DYNC1H1: variants seen among roughly 807,000 people sequenced by gnomAD.
DYNC1H1 encodes the protein cytoplasmic dynein 1 heavy chain 1.
A neutral mutation model predicts 527.1 loss-of-function variants in DYNC1H1; 51 were observed. The observed-to-expected ratio is 0.10, with a 90% CI of 0.08 to 0.12. DYNC1H1 has a LOEUF of 0.12. Among genes scored for constraint, DYNC1H1 ranks in the 10% least tolerant of loss-of-function variants. The probability of loss-of-function intolerance (pLI) is 1.00; values close to 1 mark genes in which losing one functional copy is unlikely to be tolerated. For synonymous variants in DYNC1H1, 2,189 were observed against 2,278.8 expected, an observed-to-expected ratio of 0.96 and a Z score of 1.12; for missense variants, 2,771 against 5,971.8, an observed-to-expected ratio of 0.46 and a Z score of 17.66.
At chr14:102,043,088 C>CA (rs2048672158) in intron 69 of DYNC1H1, 1 of 358,528 alleles carries the variant, frequency 2.8e-6, no homozygotes, top group Non-Finnish European at 5.4e-6. Context: ...TCAAGACCAG[C>CA]ATGGCCAACA....
chr14:101,972,337 C>G lies in DYNC1H1; in HGVS notation c.257-3375C>G, dbSNP rs1269930092. Among the ~76,000 whole-genome samples the G allele has an allele frequency of 3.9e-5, 6 of 152,162 alleles. No homozygotes were observed. In the Middle Eastern group the frequency reaches 0.017, roughly 431 times the overall value. ...CAGACATACTCAACTGTGTTTGATC[C>G]GTGTCTTTATAGGGAATATGCACAG... On this transcript the variant is annotated intron_variant, in intron 1 of 77. Transcript: ENST00000360184.
intron 29 of DYNC1H1, among the ~76,000 whole-genome samples, chr14:102,008,586 A>G (rs2048223935): frequency 6.6e-6 from 1 of 152,100 alleles, no homozygotes; most frequent in East Asian, 1.9e-4. Context: ...TCAGGAGTTC[A>G]AGACCAGTCT....
chr14:102,038,948 G>A lies in DYNC1H1; in HGVS notation c.11207-53G>A, dbSNP rs529132268. Reference sequence around the variant, plus strand: ...CCACGTTTGTGGCAAACACTTCTGAGAGCATACCTTTTGAAGGATTATTGC... The same window carrying A: ...CCACGTTTGTGGCAAACACTTCTGAAAGCATACCTTTTGAAGGATTATTGC... On this transcript the variant is annotated intron_variant, in intron 59 of 77. Transcript: ENST00000360184. This position sits in a 1 kb window ranked among gnomAD's most constrained non-coding sequence, Gnocchi z 7.2. 126 of 1,613,898 alleles carry A rather than the reference G, an allele frequency of 7.8e-5. No homozygotes were observed. Among genetic ancestry groups the A allele is most frequent in the Middle Eastern group, 1.6e-4 (1 of 6,062 alleles).
Position 101,979,968 on chromosome 14 carries a change from T to C in DYNC1H1, c.768T>C (p.Ile256=), listed in dbSNP as rs2047844431. Reference sequence around the variant, plus strand: ...GAGTTAACCGCTGGATCCGAGAAATTCAAAAAGTAAGAGCACAGGATTGAA... The same window carrying C: ...GAGTTAACCGCTGGATCCGAGAAATCCAAAAAGTAAGAGCACAGGATTGAA... ...QSGVNRWIRE[I]QKVTKLDRDP... is the part of the protein sequence containing the mutation. The change falls in exon 4 of 78, where the codon ATT becomes ATC. Residue 256 remains isoleucine, a synonymous_variant. Transcript: ENST00000360184. This position sits in a 1 kb window ranked among gnomAD's most constrained non-coding sequence, Gnocchi z 4.6. The C allele has an allele frequency of 2.5e-6, 4 of 1,614,206 alleles. No individual in the cohort carries two copies. The highest frequency in any genetic ancestry group is 3.4e-6 in the Non-Finnish European group (4 of 1,180,042).
intron 1 of DYNC1H1, among the ~76,000 whole-genome samples, chr14:101,974,436 C>T (rs1182977267): frequency 1.3e-5 from 2 of 152,112 alleles, no homozygotes; most frequent in Admixed American, 1.3e-4. Context: ...AAAAGGTGAA[C>T]TATGTATAAA....
Position 101,995,184 on chromosome 14 carries a change from C to G in DYNC1H1, c.3448C>G (p.Arg1150Gly), listed in dbSNP as rs747570801. The G allele has an allele frequency of 6.2e-7, 1 of 1,614,122 alleles. No homozygotes were observed. The highest frequency in any genetic ancestry group is 8.5e-7 in the Non-Finnish European group (1 of 1,180,052). Residue 1150 changes from arginine to glycine, a missense_variant, in exon 15 of 78, where the codon CGC (arginine) becomes GGC (glycine). Physicochemically the swap from Arg to Gly is moderately radical, Grantham distance 125 (BLOSUM62 -2). Around this residue, in one of 32 missense-constraint regions of DYNC1H1, gnomAD observed 223 missense variants for 462.5 expected, o/e 0.48. Coordinates refer to ENST00000360184, the MANE Select transcript of DYNC1H1 (RefSeq NM_001376.5). Reference sequence around the variant, plus strand: ...ATACTCCCCTCTCTCTGAACAGTCCCGCCAAGAGTTGGAGCAGCACTCAGT... The same window carrying G: ...ATACTCCCCTCTCTCTGAACAGTCCGGCCAAGAGTTGGAGCAGCACTCAGT... The part of the protein sequence containing the change: ...TEFHSQISKS[R>G]QELEQHSVDT...
At position 102,011,128 on chromosome 14, in the gene DYNC1H1, T is replaced by C; in HGVS notation, c.6618+176T>C. The C allele has an allele frequency of 2.7e-6, 2 of 729,320 alleles. No individual in the cohort carries two copies. Among genetic ancestry groups the C allele is most frequent in the Non-Finnish European group, 4.8e-6 (2 of 419,986 alleles). The allele number at this position is 729,320 out of a possible 1,614,324, so 45.2% of individuals were successfully genotyped here. On this transcript the variant is annotated intron_variant, in intron 32 of 77. Transcript: ENST00000360184. This position sits in a 1 kb window ranked among gnomAD's most constrained non-coding sequence, Gnocchi z 5.3. ...TGAATTTTTGTTGTTGTTGTTTAAA[T>C]GAAGAGGAAACAATACTTAACCTGA... is the stretch of plus-strand genomic sequence containing the variant.
rs1028017165 is a variant in DYNC1H1, at chr14:101,979,618, A to G, written c.519-101A>G. On this transcript the variant is annotated intron_variant, in intron 3 of 77. Transcript: ENST00000360184. The surrounding 1 kb of genome is among the most constrained non-coding windows in gnomAD (Gnocchi z 4.6). ...CGAGGGGATATAAACCCTGTGTATT[A>G]ATAAATATGTGTGTCATTACTATTT... The G allele has an allele frequency of 1.9e-6, 3 of 1,606,810 alleles. No individual in the cohort carries two copies.
rs779982598 is a variant in DYNC1H1, at chr14:102,048,623, G to A, written c.13326G>A (p.Lys4442=). 1.9e-6 allele frequency: 3 copies of A among 1,614,076 alleles called. No individual in the cohort carries two copies. Among genetic ancestry groups the A allele is most frequent in the South Asian group, 2.2e-5 (2 of 91,086 alleles). The change falls in exon 74 of 78, where the codon AAG becomes AAA. Residue 4442 remains lysine, a synonymous_variant. Coordinates refer to ENST00000360184, the MANE Select transcript of DYNC1H1 (RefSeq NM_001376.5). ...ADVVQVCEGK[K]KQTNYLRTLI... is the part of the protein sequence containing the mutation. ...TCGTCCAGGTGTGCGAAGGAAAGAA[G>A]AAGCAGACCAACTACTTGCGCACGC...
intron 73 of DYNC1H1, 51 bp downstream of exon 73, chr14:102,048,079 G>A: frequency 1.3e-6 from 2 of 1,565,850 alleles, no homozygotes; most frequent in East Asian, 2.4e-5. Flanking sequence ...CAGGTGCTGG[G>A]TATGGTCATG....
In DYNC1H1 at chr14:102,023,273, G is replaced by A. The variant is rs539372666; in HGVS notation, c.8637+393G>A. ...TACTTCAGAAAACAAAATATCAGCC[G>A]GGCGCGGTGGCTCATGCCTGTAATC... On this transcript the variant is annotated intron_variant, in intron 43 of 77. Transcript: ENST00000360184. The A allele has an allele frequency of 2.0e-5, 7 of 350,356 alleles. No homozygotes were observed. The East Asian group carries it at 2.3e-4, about 11-fold the overall frequency. The allele number at this position is 350,356 out of a possible 1,614,324, so 21.7% of individuals were successfully genotyped here.
At chr14:102,032,169 T>G in intron 51 of DYNC1H1, 103 bp from the exon 52 acceptor site, 1 of 1,397,056 alleles carries the variant, frequency 7.2e-7, no homozygotes, top group South Asian at 1.2e-5. Context: ...CTGTCCTTTC[T>G]CTCATTGGAG....
rs1349922267 is a variant in DYNC1H1 at position 101,988,769 on chromosome 14, C to A, written c.2785C>A (p.Gln929Lys). 6.2e-7 allele frequency: 1 copy of A among 1,614,196 alleles called. No individual in the cohort carries two copies. Among genetic ancestry groups the A allele is most frequent in the African/African-American group, 1.3e-5 (1 of 75,028 alleles). ...LRAWTQVLLG[Q>K]AEDKAEVDMD... ...AGCTTGGACGCAGGTTCTTCTTGGA[C>A]AAGCTGAAGATAAAGCAGAAGTTGA... Residue 929 changes from glutamine (Q) to lysine (K), a missense_variant, in exon 10 of 78, where the codon CAA becomes AAA. Gln to Lys is a moderately conservative substitution (Grantham distance 53, BLOSUM62 1). Coordinates refer to ENST00000360184, the MANE Select transcript of DYNC1H1 (RefSeq NM_001376.5).
Position 102,054,633 on chromosome 14 carries a change from A to T in DYNC1H1, c.*4070A>T, listed in dbSNP as rs2048857479. 7.4e-6 allele frequency: 1 copy of T among 135,792 alleles called. No individual in the cohort carries two copies. The allele number at this position is 135,792 out of a possible 1,614,324, so 8.4% of individuals were successfully genotyped here. A position where few individuals can be genotyped will look rare whatever the true frequency, so the allele number is the denominator to read the frequency against. ...GCCCAGGCTGGAGTGCAATGGTGTG[A>T]TCTTGGCTGACTGCAACCTCCGCCT... On this transcript the variant is annotated 3_prime_UTR_variant, in exon 78 of 78. Coordinates refer to ENST00000360184, the MANE Select transcript of DYNC1H1 (RefSeq NM_001376.5).
chr14:102,024,421 G>T (rs1455492470), intron 43 of DYNC1H1, among the ~76,000 whole-genome samples: 1 of 152,164 alleles, frequency 6.6e-6, no homozygotes, highest in Non-Finnish European at 1.5e-5. Flanking sequence ...AGATAACTCA[G>T]GCTGGGAAGA....
chr14:101,977,684 A>C (rs1241566567), intron 2 of DYNC1H1, among the ~76,000 whole-genome samples: 2 of 152,178 alleles, frequency 1.3e-5, no homozygotes, highest in African/African-American at 4.8e-5. Context: ...TTTAATCTGG[A>C]GTAGTACTTC....
rs1407091074 is a variant in DYNC1H1 at position 102,033,048 on chromosome 14, T to A, written c.10080-17T>A. ...TTTGTCCTGCATGTGTTTAGAAATA[T>A]CATTCGTCTTTTACAGTGACGCCAT... On this transcript the variant is annotated splice_polypyrimidine_tract_variant and intron_variant, in intron 52 of 77. Transcript: ENST00000360184. The surrounding 1 kb of genome is among the most constrained non-coding windows in gnomAD (Gnocchi z 5.6). 1.2e-6 allele frequency: 2 copies of A among 1,608,216 alleles called. No homozygotes were observed. Among genetic ancestry groups the A allele is most frequent in the African/African-American group, 1.3e-5 (1 of 74,884 alleles).
At position 101,964,756 on chromosome 14, in the gene DYNC1H1, A is replaced by G. The variant is rs2141258494; in HGVS notation, c.65A>G (p.Gln22Arg). The G allele has an allele frequency of 6.2e-7, 1 of 1,600,074 alleles. No homozygotes were observed. The highest frequency in any genetic ancestry group is 1.3e-5 in the African/African-American group (1 of 74,892). Reference protein sequence around the residue: ...GSAGLEVSAVQNVADVSVLQK... With the variant: ...GSAGLEVSAVRNVADVSVLQK... ...GCCGGATTGGAAGTGTCGGCCGTGCAGAATGTGGCGGACGTGTCGGTGCTG... is the reference window on the plus strand; with the variant it reads ...GCCGGATTGGAAGTGTCGGCCGTGCGGAATGTGGCGGACGTGTCGGTGCTG... Residue 22 changes from glutamine to arginine, a missense_variant, in exon 1 of 78, where the codon CAG (glutamine) becomes CGG (arginine). By Grantham distance (43) the Gln-to-Arg change is conservative. Transcript: ENST00000360184. The surrounding 1 kb of genome is among the most constrained non-coding windows in gnomAD (Gnocchi z 5.5).
At chr14:102,023,184 G>A (rs1465173918) in intron 43 of DYNC1H1, 1 of 393,740 alleles carries the variant, frequency 2.5e-6, no homozygotes, top group Non-Finnish European at 4.8e-6. Flanking sequence ...GGAAGTCACA[G>A]TGAGCTGTGG....
Sources: allele counts gnomAD v4.1 joint callset (sites outside exome capture counted in the v4.1 genomes callset), GRCh38; gene constraint gnomAD v4.1.1; regional missense constraint gnomAD v4.1.1; non-coding constraint Gnocchi (gnomAD v3.1); transcripts MANE v1.5; gene names NCBI Gene and HGNC (gene_info 2026-07-23, HGNC 2026-07-21).